Variants in PCDH11X observed in about 807,000 individuals in gnomAD.
The protein encoded by PCDH11X is protocadherin-11 X-linked.
PCDH11X carries 18 observed loss-of-function variants against 53.3 expected under a neutral mutation model. The observed-to-expected ratio is 0.34, with a 90% CI of 0.23 to 0.50. The LOEUF is 0.50. Ranked by LOEUF, PCDH11X falls within the 20% of genes least tolerant of loss-of-function variation. PCDH11X has a pLI of 0.98. For missense variants in PCDH11X, 570 were observed against 1,032.4 expected, an observed-to-expected ratio of 0.55 and a Z score of 6.14; for synonymous variants, 279 against 393.3, an observed-to-expected ratio of 0.71 and a Z score of 3.44.
intron 6 of PCDH11X, among the ~76,000 whole-genome samples, chrX:91,956,913 T>G (rs1305241119): frequency 1.9e-5 from 2 of 103,747 alleles, no homozygotes; most frequent in Admixed American, 2.1e-4. Flanking sequence ...AGATTTGCTC[T>G]CTTTACATAA....
intron 6 of PCDH11X, among the ~76,000 whole-genome samples, chrX:92,073,178 G>A (rs768714195): frequency 5.4e-5 from 6 of 111,895 alleles, no homozygotes; most frequent in Non-Finnish European, 1.1e-4. Context: ...GGGGCTGGGG[G>A]AAGGGTGGCA....
At chrX:91,999,057 G>T (rs1402191178) in intron 6 of PCDH11X, among the ~76,000 whole-genome samples, 1 of 109,641 alleles carries the variant, frequency 9.1e-6, no homozygotes, top group Non-Finnish European at 1.9e-5. Context: ...GGCACTACAG[G>T]CATGCCCCAC....
At chrX:92,379,981 C>CCT (rs1222939459) in intron 8 of PCDH11X, among the ~76,000 whole-genome samples, 2 of 101,240 alleles carry the variant, frequency 2.0e-5, no homozygotes, top group East Asian at 5.9e-4. Context: ...CACCACCCCC[C>CCT]CCACCCCAAC....
chrX:92,180,448 A>C (rs745345983), intron 6 of PCDH11X, among the ~76,000 whole-genome samples: 3 of 111,080 alleles, frequency 2.7e-5, no homozygotes, highest in Non-Finnish European at 5.7e-5. Flanking sequence ...TAAACATTCT[A>C]GTGCCCCAGG....
At position 92,169,037 on chromosome X, in the gene PCDH11X, A is replaced by T. The variant is rs867856601; in HGVS notation, c.3034-32338A>T. ...GAAAATCCAGAAAATCATGTCCTTA[A>T]TTCTTTTCTTTGGATTGAAGAGATT... On this transcript the variant is annotated intron_variant, in intron 6 of 10. Transcript: ENST00000682573. 1.4e-3 allele frequency among the ~76,000 whole-genome samples: 157 copies of T among 110,913 alleles called. 1 individual carries two copies. The highest frequency in any genetic ancestry group is 3.0e-3 in the South Asian group (8 of 2,644).
At chrX:92,205,186 T>C (rs1319703601) in intron 7 of PCDH11X, among the ~76,000 whole-genome samples, 2 of 111,603 alleles carry the variant, frequency 1.8e-5, no homozygotes, top group Admixed American at 9.6e-5. Context: ...CAAAATGGGG[T>C]CAGTTAGGTC....
chrX:91,999,590 G>T (rs961356950), intron 6 of PCDH11X, among the ~76,000 whole-genome samples: 3 of 105,192 alleles, frequency 2.9e-5, no homozygotes, highest in Non-Finnish European at 5.8e-5. Context: ...TCTGAAATTT[G>T]TATGTTTAAA....
chrX:92,313,752 C>T (rs1259243532), intron 8 of PCDH11X, among the ~76,000 whole-genome samples: 2 of 111,539 alleles, frequency 1.8e-5, no homozygotes, highest in African/African-American at 6.5e-5. Flanking sequence ...CAAATCTGTA[C>T]AGCATGTTAA....
intron 6 of PCDH11X, among the ~76,000 whole-genome samples, chrX:92,017,144 C>G (rs774022443): frequency 2.0e-5 from 2 of 102,515 alleles, no homozygotes; most frequent in East Asian, 6.2e-4. Context: ...TGTGGATTCC[C>G]AAATAATTAT....
At chrX:92,415,767 T>C (rs1358388900) in intron 9 of PCDH11X, among the ~76,000 whole-genome samples, 2 of 111,605 alleles carry the variant, frequency 1.8e-5, no homozygotes, top group African/African-American at 6.5e-5. Flanking sequence ...ATAGCAATCA[T>C]GCAAATAAGA....
chrX:92,092,318 A>G lies in PCDH11X; in HGVS notation c.3034-109057A>G, dbSNP rs147703066. Among the ~76,000 whole-genome samples the G allele has an allele frequency of 1.1e-3, 124 of 111,734 alleles. 1 individual carries two copies. Among genetic ancestry groups the G allele is most frequent in the African/African-American group, 3.9e-3 (119 of 30,830 alleles). Reference sequence around the variant, plus strand: ...ACACCAGCCTTACTCTAAGGAACACAAACGTATATAGTAGTGATCTCTGTG... The same window carrying G: ...ACACCAGCCTTACTCTAAGGAACACGAACGTATATAGTAGTGATCTCTGTG... On this transcript the variant is annotated intron_variant, in intron 6 of 10. Coordinates refer to ENST00000682573, the MANE Select transcript of PCDH11X (RefSeq NM_032968.5).
intron 6 of PCDH11X, among the ~76,000 whole-genome samples, chrX:92,171,336 G>A (rs750161190): frequency 9.3e-6 from 1 of 107,052 alleles, no homozygotes; most frequent in African/African-American, 3.4e-5. Context: ...CTGATACCTT[G>A]TTTCTACCCC....
chrX:91,969,416 G>A (rs1363039327), intron 6 of PCDH11X, among the ~76,000 whole-genome samples: 1 of 107,216 alleles, frequency 9.3e-6, no homozygotes, highest in Non-Finnish European at 1.9e-5. Flanking sequence ...AAAAAAAAGT[G>A]ATTGTTTAAA....
intron 6 of PCDH11X, among the ~76,000 whole-genome samples, chrX:92,005,203 G>C (rs1306512975): frequency 9.0e-6 from 1 of 110,877 alleles, no homozygotes; most frequent in Non-Finnish European, 1.9e-5. Flanking sequence ...TGTTACTATT[G>C]ATAAGTAAGG....
Position 92,222,128 on chromosome X carries a change from CCAGCCTCTT to C in PCDH11X, c.3114+20676_3114+20684del, listed in dbSNP as rs769402930. On this transcript the variant is annotated intron_variant, in intron 7 of 10. Coordinates refer to ENST00000682573, the MANE Select transcript of PCDH11X (RefSeq NM_032968.5). ...GGATTACAGGCGTGAGCCACCATGCCCAGCCTCTTCAATAGATTTTTTTTTTTAAAGGAT... is the reference window on the plus strand; with the variant it reads ...GGATTACAGGCGTGAGCCACCATGCCCAATAGATTTTTTTTTTTAAAGGAT... Among the ~76,000 whole-genome samples the C allele has an allele frequency of 4.1e-4, 37 of 89,398 alleles. 1 individual carries two copies. The highest frequency in any genetic ancestry group is 1.3e-3 in the African/African-American group (37 of 27,508). 77.6% of individuals were successfully genotyped at this position (89,398 alleles called of 115,157 possible). A position where few individuals can be genotyped will look rare whatever the true frequency, so the allele number is the denominator to read the frequency against.
At chrX:92,306,274 A>T (rs918607799) in intron 8 of PCDH11X, among the ~76,000 whole-genome samples, 1 of 105,139 alleles carries the variant, frequency 9.5e-6, no homozygotes, top group African/African-American at 3.4e-5. Context: ...AAACAATTAC[A>T]TTAAAAAGAA....
At chrX:92,335,895 C>A (rs369266241) in intron 8 of PCDH11X, among the ~76,000 whole-genome samples, 1 of 111,416 alleles carries the variant, frequency 9.0e-6, no homozygotes, top group Admixed American at 9.6e-5. Flanking sequence ...TAATACCTAC[C>A]TTTTCTATTT....
At chrX:92,370,186 GTGT>G (rs986462366) in intron 8 of PCDH11X, among the ~76,000 whole-genome samples, 1 of 110,788 alleles carries the variant, frequency 9.0e-6, no homozygotes, top group African/African-American at 3.3e-5. Context: ...TTGCTTAAAA[GTGT>G]TGTTTAATTT....
At chrX:92,030,026 G>C (rs1320821015) in intron 6 of PCDH11X, among the ~76,000 whole-genome samples, 2 of 111,902 alleles carry the variant, frequency 1.8e-5, no homozygotes, top group African/African-American at 6.5e-5. Flanking sequence ...GCAGTGGCAC[G>C]ATCTCGGCTC....
Sources: gnomAD v4.1 joint callset for allele counts (sites outside exome capture counted in the v4.1 genomes callset) on GRCh38, gnomAD v4.1.1 for gene constraint, MANE v1.5 for transcripts, NCBI Gene and HGNC (gene_info 2026-07-23, HGNC 2026-07-21) for gene names.